The following SOBP variants were observed in gnomAD, a reference collection of about 807,000 sequenced individuals.
The protein encoded by SOBP is sine oculis-binding protein homolog.
Under a neutral mutation model 53.6 loss-of-function variants are expected in SOBP, and 4 were observed. The ratio of observed to expected loss-of-function variants is 0.07; its 90% CI spans 0.04 to 0.17. The LOEUF is 0.17. Among genes scored for constraint, SOBP ranks in the 10% least tolerant of loss-of-function variants. SOBP has a pLI of 1.00. For synonymous variants in SOBP, 584 were observed against 522.6 expected, an observed-to-expected ratio of 1.12 and a Z score of -1.60; for missense variants, 1,088 against 1,204.7, an observed-to-expected ratio of 0.90 and a Z score of 1.43.
intron 3 of SOBP, among the ~76,000 whole-genome samples, chr6:107,526,887 G>A (rs557675669): frequency 6.6e-6 from 1 of 152,180 alleles, no homozygotes; most frequent in East Asian, 1.9e-4. Flanking sequence ...TTGGGGTTAA[G>A]TACTACTCTG....
At chr6:107,637,650 A>T (rs1054738416) in intron 6 of SOBP, among the ~76,000 whole-genome samples, 1 of 152,240 alleles carries the variant, frequency 6.6e-6, no homozygotes, top group African/African-American at 2.4e-5. Context: ...CTTTAAACAC[A>T]TTCTAATATC....
At chr6:107,628,357 GA>G (rs1306648200) in intron 5 of SOBP, among the ~76,000 whole-genome samples, 1 of 152,174 alleles carries the variant, frequency 6.6e-6, no homozygotes, top group Non-Finnish European at 1.5e-5. Context: ...TAGCCCTGGG[GA>G]CAGAGCCTCC....
intron 3 of SOBP, among the ~76,000 whole-genome samples, chr6:107,512,839 G>A (rs547271846): frequency 1.2e-4 from 18 of 152,276 alleles, no homozygotes; most frequent in South Asian, 4.1e-4. Context: ...GCAGAAAACC[G>A]TGTGTACCTA....
rs1043802998 is a variant in SOBP, at chr6:107,507,168, A to G, written c.421+741A>G. ...AGGAGAGGGATAGTTTTGTAAAAGGACATGAGGCAGGCTTGGTCTTCAACA... is the reference window on the plus strand; with the variant it reads ...AGGAGAGGGATAGTTTTGTAAAAGGGCATGAGGCAGGCTTGGTCTTCAACA... On this transcript the variant is annotated intron_variant, in intron 3 of 6. Transcript: ENST00000317357. Among the ~76,000 whole-genome samples, 4 of 152,236 alleles carry G rather than the reference A, an allele frequency of 2.6e-5. No individual in the cohort carries two copies. In the South Asian group the frequency reaches 8.3e-4, roughly 32 times the overall value.
intron 6 of SOBP, among the ~76,000 whole-genome samples, chr6:107,639,517 C>T (rs1312382564): frequency 6.6e-6 from 1 of 152,110 alleles, no homozygotes; most frequent in African/African-American, 2.4e-5. Flanking sequence ...TTTAAGACTC[C>T]AAATGCCAGT....
At chr6:107,496,761 G>A (rs1230255264) in intron 1 of SOBP, among the ~76,000 whole-genome samples, 1 of 152,194 alleles carries the variant, frequency 6.6e-6, no homozygotes, top group Non-Finnish European at 1.5e-5. Context: ...CCTCCAGTGG[G>A]TCATCTGTGG....
intron 4 of SOBP, among the ~76,000 whole-genome samples, chr6:107,574,079 A>T (rs1785154431): frequency 6.6e-6 from 1 of 152,200 alleles, no homozygotes. Flanking sequence ...CCCTTGCCCC[A>T]CTGTCTACAT....
At position 107,591,455 on chromosome 6, in the gene SOBP, T is replaced by G. The variant is rs4946841; in HGVS notation, c.669+4280T>G. Among the ~76,000 whole-genome samples, 43 of 152,136 alleles carry G rather than the reference T, an allele frequency of 2.8e-4. 1 individual carries two copies. The highest frequency in any genetic ancestry group is 1.0e-3 in the African/African-American group (43 of 41,508). ...CTGTATGCAGTCATTAAAAACTTAA[T>G]AAGGGAAGATACCTTTGATCCAGGC... is the stretch of plus-strand genomic sequence containing the variant. On this transcript the variant is annotated intron_variant, in intron 5 of 6. Coordinates refer to ENST00000317357, the MANE Select transcript of SOBP (RefSeq NM_018013.4).
intron 5 of SOBP, among the ~76,000 whole-genome samples, chr6:107,603,591 T>C (rs1249526621): frequency 1.3e-5 from 2 of 152,160 alleles, no homozygotes; most frequent in East Asian, 3.8e-4. Context: ...GAAAACTGTC[T>C]CAAAAGCAGC....
intron 5 of SOBP, among the ~76,000 whole-genome samples, chr6:107,632,371 A>C (rs974860781): frequency 1.3e-5 from 2 of 151,766 alleles, no homozygotes; most frequent in African/African-American, 4.8e-5. Context: ...TGTGTGTAAA[A>C]CTCTGTCAAA....
chr6:107,527,935 C>G (rs1783712035), intron 3 of SOBP, among the ~76,000 whole-genome samples: 1 of 152,164 alleles, frequency 6.6e-6, no homozygotes, highest in Admixed American at 6.5e-5. Context: ...TTGACATGTC[C>G]TACAGTGTCA....
intron 4 of SOBP, among the ~76,000 whole-genome samples, chr6:107,547,086 CTTAGTTGCTT>C (rs934399719): frequency 1.3e-5 from 2 of 152,216 alleles, no homozygotes; most frequent in African/African-American, 4.8e-5. Flanking sequence ...ACTACTTTCT[CTTAGTTGCTT>C]TCATTTGAAA....
At chr6:107,553,962 T>TACA (rs1192433759) in intron 4 of SOBP, among the ~76,000 whole-genome samples, 6 of 152,226 alleles carry the variant, frequency 3.9e-5, no homozygotes, top group African/African-American at 1.4e-4. Context: ...TCTTCTCTTC[T>TACA]ACAAACAAGG....
chr6:107,522,650 C>T (rs1327800004), intron 3 of SOBP, among the ~76,000 whole-genome samples: 1 of 147,428 alleles, frequency 6.8e-6, no homozygotes, highest in Non-Finnish European at 1.5e-5. Context: ...TCAGGTGATC[C>T]TCCCACCTCT....
intron 3 of SOBP, among the ~76,000 whole-genome samples, chr6:107,533,160 T>A (rs1009052666): frequency 6.8e-6 from 1 of 146,768 alleles, no homozygotes; most frequent in Non-Finnish European, 1.5e-5. Flanking sequence ...ACTAGGCAGA[T>A]GAAGCTTTTT....
At chr6:107,517,362 C>G (rs1291667283) in intron 3 of SOBP, among the ~76,000 whole-genome samples, 5 of 152,322 alleles carry the variant, frequency 3.3e-5, no homozygotes, top group Admixed American at 2.0e-4. Flanking sequence ...GGTGAAGTCT[C>G]TCTCCTTGGA....
At chr6:107,600,439 A>T (rs1786137363) in intron 5 of SOBP, among the ~76,000 whole-genome samples, 1 of 152,190 alleles carries the variant, frequency 6.6e-6, no homozygotes, top group African/African-American at 2.4e-5. Flanking sequence ...CAATGACAAT[A>T]CAAGGATTAC....
At chr6:107,518,132 A>G (rs1783374896) in intron 3 of SOBP, among the ~76,000 whole-genome samples, 1 of 152,236 alleles carries the variant, frequency 6.6e-6, no homozygotes, top group African/African-American at 2.4e-5. Context: ...ACAATGTATA[A>G]AGAATCTCTG....
intron 3 of SOBP, among the ~76,000 whole-genome samples, chr6:107,532,272 C>A (rs9480780): frequency 4.6e-4 from 50 of 108,138 alleles, no homozygotes; most frequent in African/African-American, 1.3e-3. Flanking sequence ...CACACACACA[C>A]CACACACACA....
Sources: allele counts gnomAD v4.1 joint callset (sites outside exome capture counted in the v4.1 genomes callset), GRCh38; gene constraint gnomAD v4.1.1; transcripts MANE v1.5; gene names NCBI Gene and HGNC (gene_info 2026-07-23, HGNC 2026-07-21).